The following ANO3 variants were observed in gnomAD, a reference collection of about 807,000 sequenced individuals.
The protein encoded by ANO3 is anoctamin-3.
In ANO3, 99 loss-of-function variants were observed where a neutral mutation model predicts 144.8. That is an observed-to-expected ratio of 0.68 (90% CI 0.58 to 0.81). ANO3 has a LOEUF of 0.81. ANO3 is among the 30% of genes least tolerant of loss of function. The pLI, the probability that ANO3 is intolerant of heterozygous loss-of-function variation, is 0.00. For synonymous variants in ANO3, 414 were observed against 392.6 expected (o/e 1.05, Z -0.64); for missense variants, 905 against 1,202.2 (o/e 0.75, Z 3.66).
At chr11:26,433,859 T>C (rs930111820) in intron 1 of ANO3, among the ~76,000 whole-genome samples, 2 of 152,122 alleles carry the variant, frequency 1.3e-5, no homozygotes, top group Non-Finnish European at 2.9e-5. Flanking sequence ...CCTGAAGTTA[T>C]CCTTTTTGTT....
chr11:26,594,971 G>C (rs1028514577), intron 14 of ANO3, among the ~76,000 whole-genome samples: 1 of 152,158 alleles, frequency 6.6e-6, no homozygotes, highest in South Asian at 2.1e-4. Flanking sequence ...CTTTCTTAGC[G>C]TATGAGGGTC....
chr11:26,453,676 A>C (rs998578944), intron 3 of ANO3, among the ~76,000 whole-genome samples: 21 of 152,160 alleles, frequency 1.4e-4, no homozygotes, highest in Admixed American at 2.0e-4. Flanking sequence ...ATCAACGAGA[A>C]AGAAAGTTAA....
rs192242882 is a variant in ANO3, at chr11:26,629,574, C to A, written c.1874-4630C>A. On this transcript the variant is annotated intron_variant, in intron 18 of 26. Transcript: ENST00000256737. ...TATTTTAGACAACGTGATAGGGAGA[C>A]AGACCATTAGACTATCAAGATGCAT... is the stretch of plus-strand genomic sequence containing the variant. Among the ~76,000 whole-genome samples, 5 of 152,270 alleles carry A rather than the reference C, an allele frequency of 3.3e-5. No individual in the cohort carries two copies. The South Asian group carries it at 1.0e-3, about 32-fold the overall frequency.
intron 1 of ANO3, among the ~76,000 whole-genome samples, chr11:26,369,391 C>A (rs992146483): frequency 6.6e-6 from 1 of 152,022 alleles, no homozygotes; most frequent in Non-Finnish European, 1.5e-5. Context: ...CTCACCTCCT[C>A]CTCCTTCTCC....
At chr11:26,352,935 A>T (rs949044385) in intron 1 of ANO3, among the ~76,000 whole-genome samples, 3 of 152,240 alleles carry the variant, frequency 2.0e-5, no homozygotes, top group Non-Finnish European at 4.4e-5. Context: ...AAACACTGAT[A>T]TGAACTCGAC....
chr11:26,505,456 T>A (rs1861387704), intron 4 of ANO3, among the ~76,000 whole-genome samples: 1 of 152,206 alleles, frequency 6.6e-6, no homozygotes, highest in Admixed American at 6.5e-5. Flanking sequence ...AACATATAGA[T>A]GGTTATTTAA....
upstream of ANO3, among the ~76,000 whole-genome samples, chr11:26,329,740 G>T (rs778998809): frequency 1.1e-4 from 16 of 152,102 alleles, no homozygotes; most frequent in Non-Finnish European, 1.6e-4. Context: ...GAAAATCAGG[G>T]ATCAACAGAA....
intron 4 of ANO3, among the ~76,000 whole-genome samples, chr11:26,492,416 C>T (rs1860745307): frequency 6.6e-6 from 1 of 152,152 alleles, no homozygotes; most frequent in South Asian, 2.1e-4. Context: ...AATAAAACTA[C>T]CTTTGGTCAG....
At chr11:26,643,636 T>C (rs1449522349) in intron 23 of ANO3, among the ~76,000 whole-genome samples, 1 of 151,912 alleles carries the variant, frequency 6.6e-6, no homozygotes, top group African/African-American at 2.4e-5. Flanking sequence ...GTGCCTGTAA[T>C]CCCAGCTACT....
intron 18 of ANO3, among the ~76,000 whole-genome samples, chr11:26,632,393 G>A (rs1852812271): frequency 6.6e-6 from 1 of 151,080 alleles, no homozygotes; most frequent in South Asian, 2.1e-4. Context: ...ACACCTGCCT[G>A]TAATCCCAGC....
At position 26,634,245 on chromosome 11, in the gene ANO3, C is replaced by T. The variant is rs149866447; in HGVS notation, c.1915C>T (p.Leu639=). 4.9e-4 allele frequency: 786 copies of T among 1,613,778 alleles called. 1 individual carries two copies. Among genetic ancestry groups the T allele is most frequent in the Non-Finnish European group, 6.2e-4 (734 of 1,179,860 alleles). The change falls in exon 19 of 27, where the codon CTG becomes TTG. Residue 639 remains leucine (L), a synonymous_variant. Coordinates refer to ENST00000256737, the MANE Select transcript of ANO3 (RefSeq NM_031418.4). Reference sequence around the variant, plus strand: ...ATCAGAGTGGGAAAACAGCTTCGCCCTGAAGATGTTCCTCTTCCAGTTTGT... The same window carrying T: ...ATCAGAGTGGGAAAACAGCTTCGCCTTGAAGATGTTCCTCTTCCAGTTTGT... The part of the protein sequence containing the change: ...TESEWENSFA[L]KMFLFQFVNL...
At chr11:26,580,903 G>GAAAAAAAA (rs1171023999) in intron 14 of ANO3, among the ~76,000 whole-genome samples, 1 of 152,172 alleles carries the variant, frequency 6.6e-6, no homozygotes, top group African/African-American at 2.4e-5. Flanking sequence ...ACAGGCCTTT[G>GAAAAAAAA]AACTGCTGAT....
intron 1 of ANO3, among the ~76,000 whole-genome samples, chr11:26,245,667 T>C (rs1420448703): frequency 6.6e-6 from 1 of 152,214 alleles, no homozygotes; most frequent in African/African-American, 2.4e-5. Flanking sequence ...AAAAGTCAAC[T>C]GTAAATGACA....
intron 4 of ANO3, among the ~76,000 whole-genome samples, chr11:26,499,435 C>A (rs1861099731): frequency 6.6e-6 from 1 of 151,450 alleles, no homozygotes; most frequent in African/African-American, 2.4e-5. Flanking sequence ...TTTTACTTTT[C>A]TCACTTAAAT....
At chr11:26,498,508 TTTG>T (rs1268187408) in intron 4 of ANO3, among the ~76,000 whole-genome samples, 2 of 150,596 alleles carry the variant, frequency 1.3e-5, no homozygotes, top group Admixed American at 1.3e-4. Flanking sequence ...TAGTCATATA[TTTG>T]TTATTATCAA....
chr11:26,294,109 G>A (rs934253784), intron 1 of ANO3, among the ~76,000 whole-genome samples: 5 of 152,062 alleles, frequency 3.3e-5, no homozygotes, highest in South Asian at 2.1e-4. Flanking sequence ...AAGTGGGCCC[G>A]GTGGAAATAA....
chr11:26,235,846 T>C (rs1425366801), intron 1 of ANO3, among the ~76,000 whole-genome samples: 1 of 152,146 alleles, frequency 6.6e-6, no homozygotes, highest in Admixed American at 6.5e-5. Context: ...CATAATTATA[T>C]AAACGAAGTA....
At position 26,441,903 on chromosome 11, in the gene ANO3, A is replaced by C. The variant is rs766266842; in HGVS notation, c.47-15A>C. On this transcript the variant is annotated splice_polypyrimidine_tract_variant and intron_variant, in intron 1 of 26. Transcript: ENST00000256737. ...TGATTTTTTATTGCTAAAACTCAAC[A>C]TTTTGGATTTGCAGGTATGAATATA... 3.7e-6 allele frequency: 6 copies of C among 1,601,176 alleles called. No homozygotes were observed. Among genetic ancestry groups the C allele is most frequent in the South Asian group, 3.4e-5 (3 of 89,202 alleles).
chr11:26,472,621 G>C (rs1859823152), intron 4 of ANO3, among the ~76,000 whole-genome samples: 1 of 151,858 alleles, frequency 6.6e-6, no homozygotes, highest in Non-Finnish European at 1.5e-5. Flanking sequence ...CACATTACTG[G>C]AAAATTATGT....
Sources: allele counts gnomAD v4.1 joint callset (sites outside exome capture counted in the v4.1 genomes callset), GRCh38; gene constraint gnomAD v4.1.1; transcripts MANE v1.5; gene names NCBI Gene and HGNC (gene_info 2026-07-23, HGNC 2026-07-21).